The following ZNF469 variants were observed in gnomAD, a reference collection of about 807,000 sequenced individuals.
ZNF469 encodes the protein zinc finger protein 469.
A neutral mutation model predicts 1.0 loss-of-function variants in ZNF469; 1 was observed. That is an observed-to-expected ratio of 1.00 (90% CI 0.35 to 4.73). ZNF469 has a LOEUF of 4.73. Among genes scored for constraint, ZNF469 ranks in the 30% most tolerant of loss-of-function variants. The pLI is 0.16. For missense variants in ZNF469, 6,100 were observed against 5,356.3 expected, an observed-to-expected ratio of 1.14 and a Z score of -4.33; for synonymous variants, 2,703 against 2,363.4, an observed-to-expected ratio of 1.14 and a Z score of -4.17.
chr16:88,280,956 A>C, the ZNF469 span, among the ~76,000 whole-genome samples: 2 of 151,840 alleles, frequency 1.3e-5, no homozygotes, highest in African/African-American at 4.8e-5. Flanking sequence ...AGTACCATGC[A>C]TTGGTTAGTG....
Position 88,430,833 on chromosome 16 carries a change from G to T in ZNF469, c.3363G>T (p.Arg1121Ser). ...GCCGGCGGGGCCGAGGCGAGAAGAG[G>T]AAGGAAGTGGAGCTGACCCAGGGTC... ...FRGRRGRGEK[R>S]KEVELTQGPR... The change falls in exon 3 of 3, where the codon AGG becomes AGT. Residue 1121 changes from arginine (R) to serine (S), a missense_variant. By Grantham distance (110) the Arg-to-Ser change is moderately radical. Transcript: ENST00000565624. The T allele has an allele frequency of 6.5e-7, 1 of 1,535,140 alleles. No homozygotes were observed. Among genetic ancestry groups the T allele is most frequent in the Non-Finnish European group, 8.7e-7 (1 of 1,145,918 alleles).
the ZNF469 span, among the ~76,000 whole-genome samples, chr16:88,332,471 G>A: frequency 1.5e-4 from 23 of 152,344 alleles, no homozygotes; most frequent in Admixed American, 1.2e-3. Flanking sequence ...CAGCCTTGCC[G>A]CTGGCCCTGG....
the ZNF469 span, among the ~76,000 whole-genome samples, chr16:88,220,709 C>T: frequency 1.4e-4 from 21 of 152,088 alleles, no homozygotes; most frequent in African/African-American, 4.8e-4. Context: ...AGAGCCCAAA[C>T]AGGAACCTGA....
At chr16:88,232,339 G>T in the ZNF469 span, among the ~76,000 whole-genome samples, 6 of 152,150 alleles carry the variant, frequency 3.9e-5, no homozygotes, top group Non-Finnish European at 7.3e-5. Flanking sequence ...ACCCAATACG[G>T]CTGGTCAATG....
chr16:88,433,506 G>A lies in ZNF469; in HGVS notation c.6036G>A (p.Thr2012=), dbSNP rs149961653. Residue 2012 remains threonine, a synonymous_variant, in exon 3 of 3, where the codon ACG becomes ACA. Transcript: ENST00000565624. The stretch of plus-strand genomic sequence containing the variant: ...AGAACGGGGTGAGCCCAGGGGGCAC[G>A]GACAACCACGCCTCAGTCAATGCCA... ...QPENGVSPGG[T]DNHASVNASP... 825 of 1,550,286 alleles carry A rather than the reference G, an allele frequency of 5.3e-4. 3 individuals carry two copies. The African/African-American group carries it at 6.7e-3, about 13-fold the overall frequency.
At chr16:88,404,990 G>T (rs1434870438) in intron 1 of ZNF469, among the ~76,000 whole-genome samples, 1 of 152,212 alleles carries the variant, frequency 6.6e-6, no homozygotes, top group Non-Finnish European at 1.5e-5. Context: ...CTGGATCCAG[G>T]TATTCAAACA....
At chr16:88,384,478 A>T (rs1420933434) in intron 1 of ZNF469, among the ~76,000 whole-genome samples, 2 of 152,180 alleles carry the variant, frequency 1.3e-5, no homozygotes, top group African/African-American at 4.8e-5. Flanking sequence ...GCGGAGCTGC[A>T]GTTTTAGGAA....
chr16:88,352,629 G>A, the ZNF469 span, among the ~76,000 whole-genome samples: 3 of 152,272 alleles, frequency 2.0e-5, no homozygotes, highest in African/African-American at 7.2e-5. Context: ...GGGGCCGATG[G>A]TGGGCACTTT....
the ZNF469 span, among the ~76,000 whole-genome samples, chr16:88,212,960 T>G: frequency 6.6e-6 from 1 of 152,256 alleles, no homozygotes; most frequent in African/African-American, 2.4e-5. Flanking sequence ...TTTTAAATTT[T>G]ACATCACAAG....
chr16:88,111,115 C>T, the ZNF469 span, among the ~76,000 whole-genome samples: 4 of 152,222 alleles, frequency 2.6e-5, no homozygotes, highest in African/African-American at 9.6e-5. Context: ...CAGGGCCCCT[C>T]CCGCACCGCC....
intron 1 of ZNF469, among the ~76,000 whole-genome samples, chr16:88,416,350 A>C (rs4782355): frequency 0.97 from 148,055 of 152,308 alleles, 71,975 homozygotes; most frequent in East Asian, 1. Flanking sequence ...CACTTACGCT[A>C]TTGCTGCCCG....
the ZNF469 span, among the ~76,000 whole-genome samples, chr16:88,332,190 T>A: frequency 6.6e-6 from 1 of 152,238 alleles, no homozygotes; most frequent in South Asian, 2.1e-4. Flanking sequence ...TAAACAAAGT[T>A]GCATTTTTTG....
the ZNF469 span, among the ~76,000 whole-genome samples, chr16:88,203,020 C>T: frequency 5.9e-5 from 9 of 152,228 alleles, no homozygotes; most frequent in East Asian, 3.9e-4. Flanking sequence ...CAGTCACAAC[C>T]GTAGGGAGAG....
chr16:88,407,022 G>A (rs145161237), intron 1 of ZNF469, among the ~76,000 whole-genome samples: 6 of 152,276 alleles, frequency 3.9e-5, no homozygotes, highest in Admixed American at 6.5e-5. Context: ...AGGAGATCGC[G>A]CCTGTGATAC....
the ZNF469 span, among the ~76,000 whole-genome samples, chr16:88,302,028 A>G: frequency 2.6e-5 from 4 of 152,186 alleles, no homozygotes; most frequent in East Asian, 7.7e-4. Flanking sequence ...GAGCTCCACC[A>G]TGGCAGGGCT....
chr16:88,187,875 C>G, the ZNF469 span, among the ~76,000 whole-genome samples: 5 of 152,056 alleles, frequency 3.3e-5, no homozygotes, highest in African/African-American at 1.2e-4. Context: ...ATTGACTGCC[C>G]TCTCCTCCTC....
the ZNF469 span, among the ~76,000 whole-genome samples, chr16:88,112,891 C>T: frequency 6.7e-6 from 1 of 148,808 alleles, no homozygotes; most frequent in African/African-American, 2.5e-5. Flanking sequence ...TATTCTCCTG[C>T]CTCGGCCTCC....
In ZNF469 at chr16:88,427,575, G is replaced by T; in HGVS notation, c.105G>T (p.Leu35=). The T allele has an allele frequency of 6.5e-7, 1 of 1,536,958 alleles. No individual in the cohort carries two copies. Among genetic ancestry groups the T allele is most frequent in the Non-Finnish European group, 8.7e-7 (1 of 1,146,358 alleles). ...SSPGHPSQPP[L]EDNTPATRTT... is the part of the protein sequence containing the mutation. ...CGGGGCACCCCTCCCAGCCGCCACT[G>T]GAGGACAACACCCCAGCTACCAGGA... The change falls in exon 3 of 3, where the codon CTG becomes CTT. Residue 35 remains leucine (L), a synonymous_variant. Coordinates refer to ENST00000565624, the MANE Select transcript of ZNF469 (RefSeq NM_001367624.2).
chr16:88,133,368 G>A, the ZNF469 span, among the ~76,000 whole-genome samples: 1 of 152,216 alleles, frequency 6.6e-6, no homozygotes, highest in Non-Finnish European at 1.5e-5. Flanking sequence ...TCTTTGCTCT[G>A]CAACCCTCCC....
Sources: gnomAD v4.1 joint callset for allele counts (sites outside exome capture counted in the v4.1 genomes callset) on GRCh38, gnomAD v4.1.1 for gene constraint, MANE v1.5 for transcripts, NCBI Gene and HGNC (gene_info 2026-07-23, HGNC 2026-07-21) for gene names.